Variants in SAMMSON observed in about 807,000 individuals in gnomAD.
The protein encoded by SAMMSON is survival associated mitochondrial melanoma specific oncogenic non-coding RNA.
intron 6 of SAMMSON, among the ~76,000 whole-genome samples, chr3:70,260,988 G>A (rs1701860472): frequency 6.6e-6 from 1 of 152,042 alleles, no homozygotes; most frequent in South Asian, 2.1e-4. Flanking sequence ...GAACTTGTGG[G>A]CCCCAGGTCT....
At chr3:70,314,559 A>G (rs1446126498) in intron 7 of SAMMSON, among the ~76,000 whole-genome samples, 1 of 152,136 alleles carries the variant, frequency 6.6e-6, no homozygotes, top group African/African-American at 2.4e-5. Flanking sequence ...GAGACAACAC[A>G]AGAGATAAAG....
chr3:70,348,925 C>T (rs1479452026), intron 7 of SAMMSON, among the ~76,000 whole-genome samples: 1 of 152,084 alleles, frequency 6.6e-6, no homozygotes, highest in African/African-American at 2.4e-5. Flanking sequence ...AATCTCTCTC[C>T]CTTATTTTTT....
At chr3:70,115,383 A>C (rs939113335) in intron 4 of SAMMSON, among the ~76,000 whole-genome samples, 1 of 152,092 alleles carries the variant, frequency 6.6e-6, no homozygotes, top group African/African-American at 2.4e-5. Context: ...GAGATTTTCA[A>C]AAAGGATTCT....
At chr3:70,065,084 T>A (rs2067204680) in intron 3 of SAMMSON, among the ~76,000 whole-genome samples, 1 of 152,150 alleles carries the variant, frequency 6.6e-6, no homozygotes, top group Non-Finnish European at 1.5e-5. Flanking sequence ...TTGGTGCTGA[T>A]CAGCCATCTT....
intron 4 of SAMMSON, among the ~76,000 whole-genome samples, chr3:70,135,436 G>A (rs931568503): frequency 1.3e-5 from 2 of 151,930 alleles, no homozygotes; most frequent in Admixed American, 1.3e-4. Flanking sequence ...TACCCTTTTT[G>A]GGTTTGTAAG....
At chr3:70,081,700 G>C (rs1011545304) in intron 4 of SAMMSON, among the ~76,000 whole-genome samples, 5 of 152,178 alleles carry the variant, frequency 3.3e-5, no homozygotes, top group Non-Finnish European at 1.5e-5. Flanking sequence ...GGAACCTTCT[G>C]GCACATGTTT....
At chr3:70,059,590 A>C (rs2067180201) in intron 3 of SAMMSON, among the ~76,000 whole-genome samples, 1 of 152,104 alleles carries the variant, frequency 6.6e-6, no homozygotes, top group African/African-American at 2.4e-5. Context: ...AAGAGAGAGC[A>C]AATTTATCCT....
Position 70,044,213 on chromosome 3 carries a change from G to C in SAMMSON, n.418-27263G>C, listed in dbSNP as rs548611702. ...CCAAGTGTATTAAGTTTTTTGTTCT[G>C]CTGCCTGTGACTCATTAGTCTGAGC... On this transcript the variant is annotated intron_variant and non_coding_transcript_variant, in intron 3 of 9. Coordinates refer to ENST00000642114, the Ensembl canonical transcript of SAMMSON. Among the ~76,000 whole-genome samples, 469 of 152,018 alleles carry C rather than the reference G, an allele frequency of 3.1e-3. 2 individuals carry two copies. The highest frequency in any genetic ancestry group is 5.4e-3 in the Non-Finnish European group (370 of 67,936).
intron 2 of SAMMSON, among the ~76,000 whole-genome samples, chr3:70,431,944 A>C (rs1672260937): frequency 6.6e-6 from 1 of 152,040 alleles, no homozygotes; most frequent in South Asian, 2.1e-4. Flanking sequence ...TTACATTTCA[A>C]ACATATACCA....
intron 3 of SAMMSON, among the ~76,000 whole-genome samples, chr3:70,040,049 G>T (rs1031117331): frequency 2.0e-5 from 3 of 151,846 alleles, no homozygotes; most frequent in African/African-American, 4.8e-5. Context: ...CAACTTTTTG[G>T]GCTTTAAAGT....
chr3:70,118,397 C>G (rs569332045), intron 4 of SAMMSON, among the ~76,000 whole-genome samples: 1 of 152,212 alleles, frequency 6.6e-6, no homozygotes, highest in East Asian at 1.9e-4. Flanking sequence ...TTTATGTTGA[C>G]CTGAGATGTC....
chr3:70,079,684 T>G (rs1001377478), intron 4 of SAMMSON, among the ~76,000 whole-genome samples: 4 of 152,144 alleles, frequency 2.6e-5, no homozygotes, highest in African/African-American at 9.7e-5. Flanking sequence ...TGATGTTTGG[T>G]AGGTTAGGCA....
At chr3:70,015,091 C>T (rs746690467) in intron 3 of SAMMSON, 10 of 152,214 alleles carry the variant, frequency 6.6e-5, no homozygotes, top group South Asian at 6.2e-4. Flanking sequence ...CCATCTTGGC[C>T]AACACGGTGA....
chr3:70,416,106 T>C (rs1364223694), intron 2 of SAMMSON, among the ~76,000 whole-genome samples: 2 of 152,168 alleles, frequency 1.3e-5, no homozygotes, highest in Non-Finnish European at 2.9e-5. Flanking sequence ...GTAGCTTCCA[T>C]TGGGACAATC....
chr3:70,108,441 T>TTTTTTTA (rs1553715435), intron 4 of SAMMSON, among the ~76,000 whole-genome samples: 3 of 146,406 alleles, frequency 2.0e-5, no homozygotes, highest in African/African-American at 7.8e-5. Flanking sequence ...TTTTTTTTTT[T>TTTTTTTA]ATCATAACTC....
intron 3 of SAMMSON, among the ~76,000 whole-genome samples, chr3:70,054,568 A>T (rs1156418478): frequency 6.6e-6 from 1 of 152,060 alleles, no homozygotes; most frequent in Non-Finnish European, 1.5e-5. Flanking sequence ...GACTTACTCA[A>T]GTCTAGCAGG....
rs1398514017 is a variant in SAMMSON, at chr3:70,210,837, C to A, written n.508-38270C>A. ...TTTGGGCTACAGGTAATTGCAAGAA[C>A]AAATGGACATAAACTTAAGTCAGAG... On this transcript the variant is annotated intron_variant and non_coding_transcript_variant, in intron 4 of 9. Coordinates refer to ENST00000642114, the Ensembl canonical transcript of SAMMSON. 2.6e-5 allele frequency among the ~76,000 whole-genome samples: 4 copies of A among 151,926 alleles called. No individual in the cohort carries two copies. The South Asian group carries it at 6.3e-4, about 24-fold the overall frequency.
chr3:70,183,248 T>C (rs1440097425), intron 4 of SAMMSON: 1 of 152,246 alleles, frequency 6.6e-6, no homozygotes, highest in Non-Finnish European at 1.5e-5. Context: ...ATGTGCATTA[T>C]GGATTTACTT....
chr3:70,299,363 C>T (rs1283926941), intron 7 of SAMMSON, among the ~76,000 whole-genome samples: 4 of 151,746 alleles, frequency 2.6e-5, no homozygotes, highest in African/African-American at 7.3e-5. Context: ...ATAAGATGTA[C>T]AGTGGCTATC....
Sources: allele counts gnomAD v4.1 joint callset (sites outside exome capture counted in the v4.1 genomes callset), GRCh38; gene constraint gnomAD v4.1.1; transcripts MANE v1.5; gene names NCBI Gene and HGNC (gene_info 2026-07-23, HGNC 2026-07-21).